The following AXDND1 variants were observed in gnomAD, a reference collection of about 807,000 sequenced individuals.
AXDND1 encodes the protein axonemal dynein light chain domain containing 1.
Under a neutral mutation model 137.5 loss-of-function variants are expected in AXDND1, and 110 were observed. The ratio of observed to expected loss-of-function variants is 0.80; its 90% CI spans 0.69 to 0.94. The LOEUF is 0.94. Among genes scored for constraint, AXDND1 ranks in the 40% least tolerant of loss-of-function variants. The pLI, the probability that AXDND1 is intolerant of heterozygous loss-of-function variation, is 0.00. For synonymous variants in AXDND1, 414 were observed against 399.7 expected, an observed-to-expected ratio of 1.04 and a Z score of -0.43; for missense variants, 1,191 against 1,169.8, an observed-to-expected ratio of 1.02 and a Z score of -0.26.
At chr1:179,550,755 G>A (rs571482501) in intron 25 of AXDND1, 1 of 252,400 alleles carries the variant, frequency 4.0e-6, no homozygotes, top group African/African-American at 2.2e-5. Context: ...TGGGACAGAA[G>A]AGCAATAGAG....
intron 18 of AXDND1, among the ~76,000 whole-genome samples, chr1:179,486,948 G>A (rs1359982712): frequency 6.7e-6 from 1 of 148,480 alleles, no homozygotes; most frequent in Non-Finnish European, 1.5e-5. Flanking sequence ...ATGATGACAG[G>A]ATCAAATCCA....
chr1:179,407,414 A>G (rs1653146060), intron 11 of AXDND1, among the ~76,000 whole-genome samples: 1 of 151,840 alleles, frequency 6.6e-6, no homozygotes, highest in African/African-American at 2.4e-5. Flanking sequence ...TTTAGTAGAG[A>G]CGAGGTTTCA....
At chr1:179,372,527 CAAAT>C (rs1479213613) in intron 4 of AXDND1, among the ~76,000 whole-genome samples, 3 of 152,048 alleles carry the variant, frequency 2.0e-5, no homozygotes, top group Admixed American at 6.5e-5. Flanking sequence ...TTCTTAAAGA[CAAAT>C]AAATAAAATC....
chr1:179,423,796 C>T (rs999628762), intron 12 of AXDND1, among the ~76,000 whole-genome samples: 1 of 152,184 alleles, frequency 6.6e-6, no homozygotes, highest in African/African-American at 2.4e-5. Context: ...TATATATTAA[C>T]CATCTCTTAA....
At chr1:179,379,314 G>T in intron 5 of AXDND1, 83 bp from the exon 6 acceptor site, 1 of 1,413,190 alleles carries the variant, frequency 7.1e-7, no homozygotes, top group Non-Finnish European at 9.6e-7. Flanking sequence ...TATCTCTTTA[G>T]GTTAGGAATT....
At chr1:179,381,943 A>ATTTTT (rs71111920) in intron 6 of AXDND1, among the ~76,000 whole-genome samples, 4 of 105,430 alleles carry the variant, frequency 3.8e-5, no homozygotes, top group South Asian at 3.4e-4. Flanking sequence ...ACCACACCTA[A>ATTTTT]TTTTTTTTTT....
Position 179,383,232 on chromosome 1 carries a change from A to C in AXDND1, c.639-210A>C, listed in dbSNP as rs4652368. On this transcript the variant is annotated intron_variant, in intron 7 of 25. Coordinates refer to ENST00000367618, the MANE Select transcript of AXDND1 (RefSeq NM_144696.6). ...GGAAGCATTATTTTCTTTTATGAAA[A>C]AGAGAATCATACTATTTGCATTTTT... 0.22 allele frequency among the ~76,000 whole-genome samples: 33,707 copies of C among 152,076 alleles called. 3,782 individuals are homozygous for C. The highest frequency in any genetic ancestry group is 0.24 in the Non-Finnish European group (16,402 of 67,986).
intron 17 of AXDND1, among the ~76,000 whole-genome samples, chr1:179,477,955 A>G (rs1168197184): frequency 1.3e-5 from 2 of 152,230 alleles, no homozygotes; most frequent in Admixed American, 1.3e-4. Context: ...GGCTCCATGC[A>G]AATTCAAAAT....
rs1450076467 is a variant in AXDND1, at chr1:179,505,128, C to T, written c.2389-4168C>T. 2.0e-5 allele frequency among the ~76,000 whole-genome samples: 3 copies of T among 152,140 alleles called. No individual in the cohort carries two copies. The East Asian group carries it at 5.8e-4, about 29-fold the overall frequency. On this transcript the variant is annotated intron_variant, in intron 20 of 25. Transcript: ENST00000367618. Reference sequence around the variant, plus strand: ...GTACATGAATCTTTATGACATCAGACTTTGGGATTTCTATGGCCTCATCCA... The same window carrying T: ...GTACATGAATCTTTATGACATCAGATTTTGGGATTTCTATGGCCTCATCCA...
chr1:179,492,154 G>A (rs907347767), intron 19 of AXDND1, among the ~76,000 whole-genome samples: 1 of 152,090 alleles, frequency 6.6e-6, no homozygotes, highest in Non-Finnish European at 1.5e-5. Context: ...GCTCACTGCA[G>A]CCTCCACCTC....
At chr1:179,474,618 C>G (rs1428792029) in intron 17 of AXDND1, among the ~76,000 whole-genome samples, 1 of 152,118 alleles carries the variant, frequency 6.6e-6, no homozygotes, top group African/African-American at 2.4e-5. Context: ...GAACTTTGAA[C>G]TAGAGAGAGA....
intron 21 of AXDND1, among the ~76,000 whole-genome samples, chr1:179,522,636 AATATAAG>A (rs1256771172): frequency 6.6e-6 from 1 of 151,880 alleles, no homozygotes; most frequent in African/African-American, 2.4e-5. Flanking sequence ...CAGATTATAG[AATATAAG>A]ATATATTATC....
At chr1:179,544,684 A>G (rs1013467324) in intron 25 of AXDND1, 1 of 151,550 alleles carries the variant, frequency 6.6e-6, no homozygotes, top group African/African-American at 2.4e-5. Context: ...AAAAAAAAAA[A>G]AAAAAGAAAA....
chr1:179,395,013 T>C (rs1650823917), intron 10 of AXDND1, 85 bp from the exon 11 acceptor site: 1 of 1,178,076 alleles, frequency 8.5e-7, no homozygotes, highest in African/African-American at 1.5e-5. Context: ...ACTGAGAAGA[T>C]TCCTGAATAT....
At chr1:179,427,163 C>CAAAACAAAAACA (rs1236659920) in intron 12 of AXDND1, among the ~76,000 whole-genome samples, 1 of 136,614 alleles carries the variant, frequency 7.3e-6, no homozygotes, top group Admixed American at 7.1e-5. Flanking sequence ...GGATCAGTCT[C>CAAAACAAAAACA]AAAACAAAAA....
At chr1:179,425,807 T>C (rs561179974) in intron 12 of AXDND1, among the ~76,000 whole-genome samples, 3 of 149,220 alleles carry the variant, frequency 2.0e-5, no homozygotes, top group Non-Finnish European at 3.0e-5. Flanking sequence ...TGTGTGTGTG[T>C]GTGTGTAAAG....
chr1:179,526,312 G>A lies in AXDND1; in HGVS notation c.2610+865G>A, dbSNP rs554200826. On this transcript the variant is annotated intron_variant, in intron 22 of 25. Coordinates refer to ENST00000367618, the MANE Select transcript of AXDND1 (RefSeq NM_144696.6). Reference sequence around the variant, plus strand: ...CAAAAATTGAGTGCCTATCATGAGTGATATACTTTGCACATATTATCTCTT... The same window carrying A: ...CAAAAATTGAGTGCCTATCATGAGTAATATACTTTGCACATATTATCTCTT... 3.3e-4 allele frequency among the ~76,000 whole-genome samples: 50 copies of A among 152,176 alleles called. No homozygotes were observed. In the South Asian group the frequency reaches 4.4e-3, roughly 13 times the overall value.
rs532828641 is a variant in AXDND1, at chr1:179,394,020, G to C, written c.981G>C (p.Lys327Asn). The C allele has an allele frequency of 8.1e-5, 130 of 1,606,222 alleles. No homozygotes were observed. In the South Asian group the frequency reaches 1.4e-3, roughly 17 times the overall value. Residue 327 changes from lysine to asparagine, a missense_variant, in exon 10 of 26, where the codon AAG (lysine) becomes AAC (asparagine). Coordinates refer to ENST00000367618, the MANE Select transcript of AXDND1 (RefSeq NM_144696.6). ...TTTTAGAAGAATTGTATAATTTCAA[G>C]CATGTTATTGAAGAACTGACCAGGT... ...QRILEELYNF[K>N]HVIEELTREL...
chr1:179,398,549 A>T (rs532219343), intron 11 of AXDND1, among the ~76,000 whole-genome samples: 11 of 152,166 alleles, frequency 7.2e-5, no homozygotes, highest in African/African-American at 2.7e-4. Context: ...GCCTGCTTCC[A>T]TGTGGGTGTC....
Sources: allele counts gnomAD v4.1 joint callset (sites outside exome capture counted in the v4.1 genomes callset), GRCh38; gene constraint gnomAD v4.1.1; transcripts MANE v1.5; gene names NCBI Gene and HGNC (gene_info 2026-07-23, HGNC 2026-07-21).